The following ZNF454 variants were observed in gnomAD, a reference collection of about 807,000 sequenced individuals.
ZNF454 encodes the protein zinc finger protein 454.
A neutral mutation model predicts 48.2 loss-of-function variants in ZNF454; 30 were observed. The observed-to-expected ratio is 0.62, with a 90% CI of 0.47 to 0.84. The LOEUF (loss-of-function observed/expected upper bound fraction) is 0.84, where lower values mean the gene tolerates loss of function less well. Ranked by LOEUF, ZNF454 falls within the 40% of genes least tolerant of loss-of-function variation. The pLI, the probability that ZNF454 is intolerant of heterozygous loss-of-function variation, is 0.00. For missense variants in ZNF454, 510 were observed against 623.1 expected (o/e 0.82, Z 1.93); for synonymous variants, 204 against 211.4 (o/e 0.97, Z 0.30).
chr5:178,968,899 G>A (rs971855834), downstream of ZNF454: 27 of 456,556 alleles, frequency 5.9e-5, no homozygotes, highest in Middle Eastern at 1.3e-3. Flanking sequence ...AGGAACTAGC[G>A]TCAGCGGCAT....
chr5:178,989,220 A>ACCC, the ZNF454 span: 3 of 817,274 alleles, frequency 3.7e-6, no homozygotes, highest in African/African-American at 8.3e-5. Context: ...CACCCTCACC[A>ACCC]CCCTCCCCAC....
At chr5:178,983,258 C>T in the ZNF454 span, 25 of 1,571,024 alleles carry the variant, frequency 1.6e-5, no homozygotes, top group Non-Finnish European at 2.2e-5. Context: ...ACAGCACTTT[C>T]CAGGGACAAA....
In ZNF454 at chr5:178,964,678, A is replaced by G. The variant is rs1335576002; in HGVS notation, c.274A>G (p.Lys92Glu). The G allele has an allele frequency of 1.2e-6, 2 of 1,613,638 alleles. No individual in the cohort carries two copies. Among genetic ancestry groups the G allele is most frequent in the Non-Finnish European group, 1.7e-6 (2 of 1,179,506 alleles). The part of the protein sequence containing the change: ...CLDWMTMPAS[K>E]KSTVKAEIPE... The stretch of plus-strand genomic sequence containing the variant: ...AGACTGGATGACTATGCCTGCCAGT[A>G]AGAAATCTACTGTCAAGGCAGAGAT... Residue 92 changes from lysine to glutamate, a missense_variant, in exon 5 of 5, where the codon AAG becomes GAG. Lys to Glu is a moderately conservative substitution (Grantham distance 56). Coordinates refer to ENST00000519564, the MANE Select transcript of ZNF454 (RefSeq NM_001178089.3).
the ZNF454 span, among the ~76,000 whole-genome samples, chr5:178,976,655 G>T: frequency 1.7e-4 from 26 of 152,292 alleles, no homozygotes; most frequent in African/African-American, 6.0e-4. Context: ...TAGTGACTGT[G>T]GGAGGAATGA....
At chr5:178,945,206 CTGTG>C (rs932561112) in intron 2 of ZNF454, among the ~76,000 whole-genome samples, 4 of 148,610 alleles carry the variant, frequency 2.7e-5, no homozygotes, top group African/African-American at 9.9e-5. Flanking sequence ...GTGTATGTGT[CTGTG>C]TGTTTGTGTG....
At chr5:178,985,232 G>A in the ZNF454 span, 1 of 455,946 alleles carries the variant, frequency 2.2e-6, no homozygotes, top group Non-Finnish European at 4.4e-6. Flanking sequence ...GAGCCAAATT[G>A]TAGAAGAGCA....
At position 178,946,352 on chromosome 5, in the gene ZNF454, G is replaced by A. The variant is rs1178382364; in HGVS notation, c.34-7G>A. 3.1e-6 allele frequency: 5 copies of A among 1,610,794 alleles called. No individual in the cohort carries two copies. The Middle Eastern group carries it at 6.6e-4, about 213-fold the overall frequency. On this transcript the variant is annotated splice_polypyrimidine_tract_variant and splice_region_variant and intron_variant, in intron 2 of 4. Coordinates refer to ENST00000519564, the MANE Select transcript of ZNF454 (RefSeq NM_001178089.3). The surrounding 1 kb of genome is among the most constrained non-coding windows in gnomAD (Gnocchi z 4.5). ...CCTGGTCAAGGAGAATGAATTTGCTGTTGCAGGAATCGGTGACCTTCAAGG... is the reference window on the plus strand; with the variant it reads ...CCTGGTCAAGGAGAATGAATTTGCTATTGCAGGAATCGGTGACCTTCAAGG...
At chr5:178,948,309 C>T (rs751520909) in intron 4 of ZNF454, among the ~76,000 whole-genome samples, 39 of 152,032 alleles carry the variant, frequency 2.6e-4, no homozygotes, top group Admixed American at 4.6e-4. Context: ...TTTGTATATT[C>T]CATTACCAAA....
At chr5:178,975,047 C>T in the ZNF454 span, among the ~76,000 whole-genome samples, 1 of 152,174 alleles carries the variant, frequency 6.6e-6, no homozygotes, top group East Asian at 1.9e-4. Flanking sequence ...GTGCGTCATA[C>T]CTGTAATCCC....
At chr5:178,950,894 T>C (rs1041079617) in intron 4 of ZNF454, among the ~76,000 whole-genome samples, 3 of 151,510 alleles carry the variant, frequency 2.0e-5, no homozygotes, top group Non-Finnish European at 2.9e-5. Context: ...AGTTTCGCTC[T>C]TGTTGTCCAG....
the ZNF454 span, chr5:178,976,091 G>C: frequency 4.4e-6 from 2 of 454,780 alleles, no homozygotes; most frequent in Admixed American, 2.4e-5. Context: ...CTGCCCTTGG[G>C]CCTTGCACTT....
chr5:178,981,751 G>A, the ZNF454 span: 1 of 1,613,502 alleles, frequency 6.2e-7, no homozygotes, highest in Non-Finnish European at 8.5e-7. This position sits in a 1 kb window ranked among gnomAD's most constrained non-coding sequence, Gnocchi z 5.1. Context: ...ATTCTGCTCT[G>A]GATGGAAGAG....
the ZNF454 span, chr5:178,977,446 A>T: frequency 1.1e-5 from 5 of 456,204 alleles, no homozygotes; most frequent in Admixed American, 2.4e-5. Context: ...AGCCTCCAGA[A>T]CTATGAGAAA....
At chr5:178,987,008 G>A in the ZNF454 span, 42 of 1,609,592 alleles carry the variant, frequency 2.6e-5, no homozygotes, top group Middle Eastern at 1.6e-4. Flanking sequence ...CGTCATCCTC[G>A]GTGGTCCTCC....
intron 4 of ZNF454, among the ~76,000 whole-genome samples, chr5:178,947,447 G>GTGTT (rs760851559): frequency 1.6e-4 from 24 of 152,200 alleles, no homozygotes; most frequent in Non-Finnish European, 2.6e-4. Flanking sequence ...ACCTCCATAT[G>GTGTT]TGTTTGTCCA....
chr5:178,945,344 G>A (rs957625731), intron 2 of ZNF454, among the ~76,000 whole-genome samples: 8 of 151,092 alleles, frequency 5.3e-5, no homozygotes, highest in African/African-American at 1.9e-4. Flanking sequence ...GTATGTGGGT[G>A]TATGGATATG....
chr5:178,977,061 G>A, the ZNF454 span, among the ~76,000 whole-genome samples: 1 of 152,090 alleles, frequency 6.6e-6, no homozygotes, highest in Non-Finnish European at 1.5e-5. Flanking sequence ...TGGGACCCTA[G>A]CAATGGGACA....
chr5:178,953,944 T>C (rs992258372), intron 4 of ZNF454, among the ~76,000 whole-genome samples: 1 of 152,172 alleles, frequency 6.6e-6, no homozygotes, highest in Non-Finnish European at 1.5e-5. Flanking sequence ...TGGCTGAGCA[T>C]TTAGTGAAAC....
At position 178,946,660 on chromosome 5, in the gene ZNF454, G is replaced by A. The variant is rs1038128564; in HGVS notation, c.160+175G>A. Among the ~76,000 whole-genome samples the A allele has an allele frequency of 5.9e-5, 9 of 152,172 alleles. No homozygotes were observed. The highest frequency in any genetic ancestry group is 2.6e-4 in the Admixed American group (4 of 15,270). On this transcript the variant is annotated intron_variant, in intron 3 of 4. Transcript: ENST00000519564. The surrounding 1 kb of genome is among the most constrained non-coding windows in gnomAD (Gnocchi z 4.5). ...ACAGGCCTCTTTTGGAGTCCACTGC[G>A]GATGCCTCAAAAGTGACTAGGGTCA...
Sources: allele counts gnomAD v4.1 joint callset (sites outside exome capture counted in the v4.1 genomes callset), GRCh38; gene constraint gnomAD v4.1.1; non-coding constraint Gnocchi (gnomAD v3.1); transcripts MANE v1.5; gene names NCBI Gene and HGNC (gene_info 2026-07-23, HGNC 2026-07-21).